MTBP: variants seen among roughly 807,000 people sequenced by gnomAD.
MTBP encodes the protein mdm2-binding protein.
A neutral mutation model predicts 117.0 loss-of-function variants in MTBP; 101 were observed. The observed-to-expected ratio is 0.86, with a 90% CI of 0.73 to 1.02. MTBP has a LOEUF of 1.02. Ranked by LOEUF, MTBP falls within the 50% of genes least tolerant of loss-of-function variation. The probability of loss-of-function intolerance (pLI) is 0.00; values close to 1 mark genes in which losing one functional copy is unlikely to be tolerated. For missense variants in MTBP, 970 were observed against 1,030.9 expected (o/e 0.94, Z 0.81); for synonymous variants, 350 against 351.5 (o/e 1.00, Z 0.05).
At chr8:120,478,375 T>A (rs1187371110) in intron 11 of MTBP, among the ~76,000 whole-genome samples, 1 of 152,030 alleles carries the variant, frequency 6.6e-6, no homozygotes, top group Non-Finnish European at 1.5e-5. Context: ...ATTCTGTACA[T>A]GTATCCCAGA....
intron 7 of MTBP, among the ~76,000 whole-genome samples, chr8:120,458,238 A>G (rs1323677847): frequency 1.3e-5 from 2 of 152,174 alleles, no homozygotes; most frequent in African/African-American, 2.4e-5. Flanking sequence ...TATATTGCCT[A>G]CAATCAAATC....
Position 120,502,626 on chromosome 8 carries a change from T to C in MTBP, c.1727+17T>C, listed in dbSNP as rs1814609696. 1.4e-6 allele frequency: 2 copies of C among 1,447,168 alleles called. No individual in the cohort carries two copies. The highest frequency in any genetic ancestry group is 1.4e-5 in the African/African-American group (1 of 70,690). 89.6% of individuals were successfully genotyped at this position (1,447,168 alleles called of 1,614,324 possible). ...AAAAATGAGGTAATATTTGAATCTGTAGTAAAGCATGTGATAGCTCAGTAA... is the reference window on the plus strand; with the variant it reads ...AAAAATGAGGTAATATTTGAATCTGCAGTAAAGCATGTGATAGCTCAGTAA... On this transcript the variant is annotated intron_variant, in intron 15 of 21. Coordinates refer to ENST00000305949, the MANE Select transcript of MTBP (RefSeq NM_022045.5).
chr8:120,504,514 G>A (rs1814654132), intron 15 of MTBP, among the ~76,000 whole-genome samples: 1 of 152,068 alleles, frequency 6.6e-6, no homozygotes, highest in South Asian at 2.1e-4. Context: ...TTAAAGAGAA[G>A]TCTGATGCCA....
intron 15 of MTBP, among the ~76,000 whole-genome samples, chr8:120,504,370 A>G (rs997992329): frequency 6.6e-6 from 1 of 152,152 alleles, no homozygotes; most frequent in Non-Finnish European, 1.5e-5. Flanking sequence ...TTTGCAGTAT[A>G]CAAGTCTTAA....
chr8:120,516,233 T>C (rs765699052), intron 18 of MTBP, 42 bp downstream of exon 18: 2 of 1,446,138 alleles, frequency 1.4e-6, no homozygotes, highest in Admixed American at 2.2e-5. Context: ...TGACAGAAAG[T>C]ATTTTAGTCT....
At chr8:120,519,557 T>G (rs1342949699) in intron 20 of MTBP, among the ~76,000 whole-genome samples, 1 of 152,134 alleles carries the variant, frequency 6.6e-6, no homozygotes, top group Non-Finnish European at 1.5e-5. Context: ...TCTGTGGGTT[T>G]CTGGTTAAAA....
chr8:120,512,347 G>T (rs1159152492), intron 17 of MTBP, among the ~76,000 whole-genome samples: 16 of 151,968 alleles, frequency 1.1e-4, no homozygotes, highest in Admixed American at 1.1e-3. Context: ...TTTAACTGCT[G>T]ACTAAAGTGT....
intron 4 of MTBP, 38 bp downstream of exon 4, chr8:120,451,360 T>C: frequency 6.8e-7 from 1 of 1,472,206 alleles, no homozygotes; most frequent in Non-Finnish European, 9.5e-7. Flanking sequence ...ATTAAAATAC[T>C]TAATATTAGA....
rs1350723831 is a variant in MTBP, at chr8:120,488,228, G to T, written c.1235G>T (p.Arg412Ile). The change falls in exon 12 of 22, where the codon AGA (arginine) becomes ATA (isoleucine). Residue 412 changes from arginine (R) to isoleucine (I), a missense_variant. Physicochemically the swap from Arg to Ile is moderately conservative, Grantham distance 97. Coordinates refer to ENST00000305949, the MANE Select transcript of MTBP (RefSeq NM_022045.5). ...YLLLQGNGNR[R>I]CKATLIHSAN... ...TTGTTACAAGGTAATGGCAATAGAA[G>T]ATGTAAAGCCACATTGATTCACTCA... is the stretch of plus-strand genomic sequence containing the variant. 6.3e-7 allele frequency: 1 copy of T among 1,596,628 alleles called. No homozygotes were observed. The highest frequency in any genetic ancestry group is 1.4e-5 in the African/African-American group (1 of 73,856).
intron 2 of MTBP, among the ~76,000 whole-genome samples, chr8:120,450,497 G>A (rs1001807295): frequency 1.3e-5 from 2 of 152,076 alleles, no homozygotes; most frequent in African/African-American, 4.8e-5. Flanking sequence ...ACCCTGGGGT[G>A]ACCCTTAATT....
In MTBP at chr8:120,506,943, G is replaced by C. The variant is rs1301203433; in HGVS notation, c.1883+82G>C. ...ATTGTGTCTCATTTCCTTATTAATT[G>C]ATGTCCTATGCTACTCAGGGAAAAT... On this transcript the variant is annotated intron_variant, in intron 16 of 21. Transcript: ENST00000305949. The C allele has an allele frequency of 3.3e-6, 4 of 1,209,476 alleles. No homozygotes were observed. In the African/African-American group the frequency reaches 4.7e-5, roughly 14 times the overall value. 74.9% of individuals were successfully genotyped at this position (1,209,476 alleles called of 1,614,324 possible).
rs139223231 is a variant in MTBP at position 120,466,830 on chromosome 8, C to T, written c.1047+3069C>T. On this transcript the variant is annotated intron_variant, in intron 10 of 21. Coordinates refer to ENST00000305949, the MANE Select transcript of MTBP (RefSeq NM_022045.5). ...TGGAGGTTGCAATGAGCCAAGATCA[C>T]GCCACTGTACTCGAGCCTGGGCAAC... Among the ~76,000 whole-genome samples the T allele has an allele frequency of 6.4e-3, 975 of 152,184 alleles. 11 individuals carry two copies. Among genetic ancestry groups the T allele is most frequent in the African/African-American group, 0.022 (893 of 41,534 alleles).
At chr8:120,512,236 A>T (rs1308343226) in intron 17 of MTBP, among the ~76,000 whole-genome samples, 1 of 152,190 alleles carries the variant, frequency 6.6e-6, no homozygotes, top group South Asian at 2.1e-4. Flanking sequence ...TTGCTTTGCT[A>T]CATGGCCAGA....
chr8:120,464,478 G>GTTTTTTTTTTTTTTTT (rs1813645465), intron 10 of MTBP, among the ~76,000 whole-genome samples: 1 of 150,990 alleles, frequency 6.6e-6, no homozygotes, highest in African/African-American at 2.5e-5. Context: ...TTTTCTTATT[G>GTTTTTTTTTTTTTTTT]TTTTAATAAC....
At chr8:120,496,121 G>A (rs1282236462) in intron 13 of MTBP, among the ~76,000 whole-genome samples, 1 of 152,154 alleles carries the variant, frequency 6.6e-6, no homozygotes, top group East Asian at 1.9e-4. Context: ...GCCACTGAAT[G>A]GCTGTCAGAG....
intron 11 of MTBP, chr8:120,473,001 T>A (rs1563791466): frequency 6.6e-6 from 1 of 152,168 alleles, no homozygotes; most frequent in Non-Finnish European, 1.5e-5. Context: ...TGGGGATTGG[T>A]TCCAGGACCC....
intron 19 of MTBP, 94 bp from the exon 20 acceptor site, chr8:120,518,610 G>T: frequency 1.4e-6 from 1 of 732,004 alleles, no homozygotes; most frequent in South Asian, 2.3e-5. Context: ...ACAGCAAAAT[G>T]AATGTGTAAT....
At chr8:120,480,055 G>T (rs1293313590) in intron 11 of MTBP, among the ~76,000 whole-genome samples, 1 of 152,030 alleles carries the variant, frequency 6.6e-6, no homozygotes, top group Admixed American at 6.6e-5. Context: ...AGTAACTAAA[G>T]AAGATATAAG....
intron 5 of MTBP, among the ~76,000 whole-genome samples, chr8:120,454,155 G>A (rs547857080): frequency 3.3e-5 from 5 of 152,110 alleles, no homozygotes; most frequent in African/African-American, 1.2e-4. Context: ...AACTATCTCT[G>A]TTTCTTTAGT....
Sources: allele counts gnomAD v4.1 joint callset (sites outside exome capture counted in the v4.1 genomes callset), GRCh38; gene constraint gnomAD v4.1.1; transcripts MANE v1.5; gene names NCBI Gene and HGNC (gene_info 2026-07-23, HGNC 2026-07-21).